The following EPHX2 variants were observed in gnomAD, a reference collection of about 807,000 sequenced individuals.
EPHX2 encodes the protein bifunctional epoxide hydrolase 2.
EPHX2 carries 74 observed loss-of-function variants against 78.7 expected under a neutral mutation model. The ratio of observed to expected loss-of-function variants is 0.94; its 90% CI spans 0.78 to 1.14. EPHX2 has a LOEUF of 1.14. Among genes scored for constraint, EPHX2 ranks in the 50% most tolerant of loss-of-function variants. EPHX2 has a pLI of 0.00. For missense variants in EPHX2, 715 were observed against 702.5 expected (o/e 1.02, Z -0.20); for synonymous variants, 251 against 255.2 (o/e 0.98, Z 0.16).
At chr8:27,541,288 T>C (rs1322563385) in intron 15 of EPHX2, among the ~76,000 whole-genome samples, 185 bp from the exon 16 acceptor site, 4 of 152,254 alleles carry the variant, frequency 2.6e-5, no homozygotes, top group Admixed American at 6.5e-5. Context: ...CACAAGGCCT[T>C]GCTGCTAGAG....
chr8:27,502,093 G>T (rs778033135), intron 2 of EPHX2, among the ~76,000 whole-genome samples: 8 of 152,130 alleles, frequency 5.3e-5, no homozygotes, highest in African/African-American at 2.4e-5. Context: ...ACATAACCCC[G>T]CTCTGGATAC....
intron 12 of EPHX2, 74 bp downstream of exon 12, chr8:27,525,547 C>A: frequency 8.0e-7 from 1 of 1,256,836 alleles, no homozygotes; most frequent in Non-Finnish European, 1.2e-6. Context: ...TTCTTATTTG[C>A]TTTATCACTG....
At chr8:27,520,355 G>GT (rs1455839402) in intron 9 of EPHX2, among the ~76,000 whole-genome samples, 130 of 145,074 alleles carry the variant, frequency 9.0e-4, no homozygotes, top group Admixed American at 1.2e-3. Context: ...TTTGTTTTGG[G>GT]TTTTTTTTTT....
At chr8:27,536,728 G>A in intron 12 of EPHX2, 56 bp from the exon 13 acceptor site, 2 of 1,595,762 alleles carry the variant, frequency 1.3e-6, no homozygotes, top group South Asian at 1.1e-5. Context: ...TGAAGGAGGG[G>A]TACAGTTTCC....
intron 16 of EPHX2, 102 bp from the exon 17 acceptor site, chr8:27,543,647 C>T (rs1421155258): frequency 1.3e-5 from 15 of 1,174,274 alleles, no homozygotes; most frequent in South Asian, 5.6e-5. Flanking sequence ...GCAGATACAA[C>T]GTCAGGACCA....
At chr8:27,496,704 A>G (rs1813586223) in intron 1 of EPHX2, among the ~76,000 whole-genome samples, 1 of 152,018 alleles carries the variant, frequency 6.6e-6, no homozygotes, top group African/African-American at 2.4e-5. Flanking sequence ...GTCTAAAAAT[A>G]TCATGTAATC....
chr8:27,493,120 G>A, intron 1 of EPHX2: 1 of 171,282 alleles, frequency 5.8e-6, no homozygotes, highest in Non-Finnish European at 1.2e-5. Flanking sequence ...CCTTGATCCT[G>A]GAGGAAACAA....
intron 16 of EPHX2, among the ~76,000 whole-genome samples, chr8:27,542,937 C>T (rs565662865): frequency 2.0e-5 from 3 of 152,152 alleles, no homozygotes; most frequent in East Asian, 3.9e-4. Flanking sequence ...CCACTGCACC[C>T]AGCCTCTCTT....
intron 1 of EPHX2, among the ~76,000 whole-genome samples, chr8:27,493,379 G>A (rs1813456707): frequency 6.6e-6 from 1 of 152,232 alleles, no homozygotes; most frequent in Non-Finnish European, 1.5e-5. Flanking sequence ...TTTCTCAGCA[G>A]TGAGGAGGTC....
intron 14 of EPHX2, chr8:27,539,202 C>A (rs1208094818): frequency 6.4e-6 from 1 of 155,896 alleles, no homozygotes; most frequent in Non-Finnish European, 1.4e-5. Context: ...ATCCCCATGG[C>A]CCCTAGATCC....
intron 14 of EPHX2, among the ~76,000 whole-genome samples, chr8:27,540,022 CAA>C (rs1229150287): frequency 6.6e-6 from 1 of 152,152 alleles, no homozygotes; most frequent in African/African-American, 2.4e-5. Context: ...ACCCTGAAGA[CAA>C]GAGAGGGGTC....
At chr8:27,491,515 G>A (rs1438062170) in intron 1 of EPHX2, among the ~76,000 whole-genome samples, 2 of 152,240 alleles carry the variant, frequency 1.3e-5, no homozygotes, top group African/African-American at 4.8e-5. Flanking sequence ...ACGTTGCCAA[G>A]GTCTCCAAAA....
At chr8:27,509,671 G>A (rs1301130549) in intron 5 of EPHX2, among the ~76,000 whole-genome samples, 1 of 152,110 alleles carries the variant, frequency 6.6e-6, no homozygotes, top group African/African-American at 2.4e-5. Flanking sequence ...GAGCCACCGT[G>A]CCTGGCCAAA....
rs537985927 is a variant in EPHX2 at position 27,515,879 on chromosome 8, G to A, written c.831+66G>A. On this transcript the variant is annotated intron_variant, in intron 7 of 18. Coordinates refer to ENST00000521400, the MANE Select transcript of EPHX2 (RefSeq NM_001979.6). Reference sequence around the variant, plus strand: ...TGGGGGAGTCTAGATGGTGTGGTCCGACGTGGACTGTCGTGAGGAAGCTGA... The same window carrying A: ...TGGGGGAGTCTAGATGGTGTGGTCCAACGTGGACTGTCGTGAGGAAGCTGA... 86 of 1,372,616 alleles carry A rather than the reference G, an allele frequency of 6.3e-5. 1 individual carries two copies. In the South Asian group the frequency reaches 6.8e-4, roughly 11 times the overall value. 85.0% of individuals were successfully genotyped at this position (1,372,616 alleles called of 1,614,324 possible). A position where few individuals can be genotyped will look rare whatever the true frequency, so the allele number is the denominator to read the frequency against.
rs768897328 is a variant in EPHX2 at position 27,537,021 on chromosome 8, C to A, written c.1242+166C>A. On this transcript the variant is annotated intron_variant, in intron 13 of 18. Transcript: ENST00000521400. The stretch of plus-strand genomic sequence containing the variant: ...ACTCTACTGGGAAAATTTACATCCT[C>A]GTTGACACACAAGGTCAGAGAATGA... 2.0e-5 allele frequency among the ~76,000 whole-genome samples: 3 copies of A among 152,084 alleles called. No homozygotes were observed. In the South Asian group the frequency reaches 6.2e-4, roughly 32 times the overall value.
At position 27,540,587 on chromosome 8, in the gene EPHX2, G is replaced by C; in HGVS notation, c.1310G>C (p.Ser437Thr). Residue 437 changes from serine (S) to threonine (T), a missense_variant, in exon 15 of 19, where the codon AGC (serine) becomes ACC (threonine). By Grantham distance (58) the Ser-to-Thr change is moderately conservative. Transcript: ENST00000521400. ...TTTGTAAATAGCCCAGAAGAGCCCA[G>C]CCTCAGCAGGATGGTCACTGAGGAG... ...GLFVNSPEEP[S>T]LSRMVTEEEI... 1 of 1,614,202 alleles carries C rather than the reference G, an allele frequency of 6.2e-7. No homozygotes were observed. The highest frequency in any genetic ancestry group is 1.1e-5 in the South Asian group (1 of 91,086).
chr8:27,503,465 T>C, intron 2 of EPHX2, 139 bp from the exon 3 acceptor site: 1 of 1,006,558 alleles, frequency 9.9e-7, no homozygotes, highest in Non-Finnish European at 1.4e-6. Flanking sequence ...TTGGAGAACA[T>C]ATGTTGGCAT....
At chr8:27,510,024 G>A (rs1044568555) in intron 5 of EPHX2, among the ~76,000 whole-genome samples, 2 of 152,168 alleles carry the variant, frequency 1.3e-5, no homozygotes, top group African/African-American at 2.4e-5. Context: ...ATGGCCATCA[G>A]GAGACAGCAG....
chr8:27,529,888 GCA>G (rs1491177158), intron 12 of EPHX2, among the ~76,000 whole-genome samples: 2 of 97,580 alleles, frequency 2.0e-5, no homozygotes, highest in Non-Finnish European at 3.6e-5. Context: ...TCCAGCCTGA[GCA>G]AAAAAAAAAA....
Sources: gnomAD v4.1 joint callset for allele counts (sites outside exome capture counted in the v4.1 genomes callset) on GRCh38, gnomAD v4.1.1 for gene constraint, MANE v1.5 for transcripts, NCBI Gene and HGNC (gene_info 2026-07-23, HGNC 2026-07-21) for gene names.